The following SLC1A7 variants were observed in gnomAD, a reference collection of about 807,000 sequenced individuals.
SLC1A7 encodes the protein excitatory amino acid transporter 5.
In SLC1A7, 40 loss-of-function variants were observed where a neutral mutation model predicts 47.7. The ratio of observed to expected loss-of-function variants is 0.84; its 90% confidence interval spans 0.65 to 1.09. SLC1A7 has a LOEUF of 1.09. SLC1A7 is among the 50% of genes least tolerant of loss of function. The probability of loss-of-function intolerance (pLI) is 0.00; values close to 1 mark genes in which losing one functional copy is unlikely to be tolerated. For missense variants in SLC1A7, 746 were observed against 769.5 expected (o/e 0.97, Z 0.36); for synonymous variants, 323 against 325.6 (o/e 0.99, Z 0.09).
intron 1 of SLC1A7, among the ~76,000 whole-genome samples, chr1:53,141,610 C>A (rs1572357451): frequency 6.6e-6 from 1 of 152,080 alleles, no homozygotes; most frequent in Non-Finnish European, 1.5e-5. Context: ...CCTGGCTCCC[C>A]TTCCTGTCCC....
chr1:53,098,769 A>G lies in SLC1A7; in HGVS notation c.697+4577T>C, dbSNP rs1372523222. Among the ~76,000 whole-genome samples the G allele has an allele frequency of 2.3e-5, 3 of 132,620 alleles. No individual in the cohort carries two copies. The East Asian group carries it at 7.3e-4, about 32-fold the overall frequency. The allele number at this position is 132,620 out of a possible 152,430, so 87.0% of individuals were successfully genotyped here. A position where few individuals can be genotyped will look rare whatever the true frequency, so the allele number is the denominator to read the frequency against. ...CACATTGCCTCAGTACACTCACACA[A>G]CTTTCTTCGGTACAGTCACACAACC... On this transcript the variant is annotated intron_variant, in intron 5 of 10. Transcript: ENST00000371494.
At chr1:53,118,442 C>T (rs905355121) in intron 2 of SLC1A7, 2 of 152,168 alleles carry the variant, frequency 1.3e-5, no homozygotes, top group African/African-American at 4.8e-5. Context: ...TCCTGGAGGA[C>T]CCAGCAGCCT....
At position 53,088,852 on chromosome 1, in the gene SLC1A7, AGCCTC is replaced by A; in HGVS notation, c.1464+20_1464+24del. ...CCCTGCGTGGCTCCACCCTCCTGGCAGCCTCTGGATCTCACTGCTCTCACCTCGGT... is the reference window on the plus strand; with the variant it reads ...CCCTGCGTGGCTCCACCCTCCTGGCATGGATCTCACTGCTCTCACCTCGGT... On this transcript the variant is annotated intron_variant, in intron 10 of 10. Coordinates refer to ENST00000371494, the MANE Select transcript of SLC1A7 (RefSeq NM_006671.6). 3.1e-6 allele frequency: 5 copies of A among 1,591,396 alleles called. No individual in the cohort carries two copies. Among genetic ancestry groups the A allele is most frequent in the Non-Finnish European group, 4.3e-6 (5 of 1,161,654 alleles).
intron 5 of SLC1A7, among the ~76,000 whole-genome samples, chr1:53,098,219 A>G (rs951532405): frequency 6.6e-6 from 1 of 150,532 alleles, no homozygotes; most frequent in Non-Finnish European, 1.5e-5. Context: ...CCACCTTGGT[A>G]CACTCACATG....
In SLC1A7 at chr1:53,088,869, G is replaced by A; in HGVS notation, c.1464+8C>T. 1 of 1,611,012 alleles carries A rather than the reference G, an allele frequency of 6.2e-7. No homozygotes were observed. Among genetic ancestry groups the A allele is most frequent in the South Asian group, 1.1e-5 (1 of 91,012 alleles). On this transcript the variant is annotated splice_region_variant and intron_variant, in intron 10 of 10. Transcript: ENST00000371494. Reference sequence around the variant, plus strand: ...CTCCTGGCAGCCTCTGGATCTCACTGCTCTCACCTCGGTGCCTGTGTCCCG... The same window carrying A: ...CTCCTGGCAGCCTCTGGATCTCACTACTCTCACCTCGGTGCCTGTGTCCCG...
intron 2 of SLC1A7, among the ~76,000 whole-genome samples, chr1:53,130,346 G>A (rs1644930039): frequency 6.6e-6 from 1 of 152,172 alleles, no homozygotes; most frequent in Non-Finnish European, 1.5e-5. Flanking sequence ...TGACCAGCCT[G>A]GTTCCAGGGC....
At chr1:53,114,524 C>A (rs754523845) in intron 3 of SLC1A7, 281 of 572,170 alleles carry the variant, frequency 4.9e-4, no homozygotes, top group Non-Finnish European at 7.6e-4. Context: ...GTCTGCTCTG[C>A]GCCCATCCAC....
intron 2 of SLC1A7, among the ~76,000 whole-genome samples, chr1:53,116,502 C>T (rs970171991): frequency 6.6e-6 from 1 of 152,230 alleles, no homozygotes; most frequent in African/African-American, 2.4e-5. Flanking sequence ...TCCTCATCTG[C>T]CAGGATGCCA....
At chr1:53,103,663 A>G (rs1644609611) in intron 4 of SLC1A7, 95 bp from the exon 5 acceptor site, 4 of 658,498 alleles carry the variant, frequency 6.1e-6, no homozygotes, top group Non-Finnish European at 1.0e-5. Flanking sequence ...GCACATTTGT[A>G]TCCATTCCTA....
chr1:53,089,078 C>T, intron 9 of SLC1A7, 99 bp from the exon 10 acceptor site: 1 of 961,494 alleles, frequency 1.0e-6, no homozygotes, highest in East Asian at 2.5e-5. Context: ...CGGTGACCAG[C>T]TGTCATGCAA....
intron 3 of SLC1A7, among the ~76,000 whole-genome samples, chr1:53,107,580 G>T (rs200218701): frequency 1.3e-5 from 2 of 152,228 alleles, no homozygotes; most frequent in African/African-American, 4.8e-5. Context: ...TGCTTGAGAA[G>T]CTAAGACAGA....
chr1:53,110,778 C>T (rs940834010), intron 3 of SLC1A7, among the ~76,000 whole-genome samples: 5 of 152,124 alleles, frequency 3.3e-5, no homozygotes, highest in Admixed American at 3.3e-4. Context: ...TCTCCTCCTG[C>T]CTCTCTGCTT....
At chr1:53,134,821 C>T (rs1007476439) in intron 1 of SLC1A7, among the ~76,000 whole-genome samples, 3 of 151,934 alleles carry the variant, frequency 2.0e-5, no homozygotes, top group South Asian at 4.2e-4. Flanking sequence ...ATGTACATAC[C>T]TACGATAAAA....
chr1:53,092,969 C>T (rs1445537270), intron 6 of SLC1A7, among the ~76,000 whole-genome samples, 182 bp from the exon 7 acceptor site: 2 of 152,074 alleles, frequency 1.3e-5, no homozygotes, highest in Non-Finnish European at 2.9e-5. Flanking sequence ...TTACTTCCAC[C>T]GCCCCAGCTC....
In SLC1A7 at chr1:53,087,971, C is replaced by T; in HGVS notation, c.*38G>A. The T allele has an allele frequency of 8.7e-7, 1 of 1,155,102 alleles. No individual in the cohort carries two copies. The highest frequency in any genetic ancestry group is 1.1e-6 in the Non-Finnish European group (1 of 878,774). The allele number at this position is 1,155,102 out of a possible 1,614,324, so 71.6% of individuals were successfully genotyped here. A position where few individuals can be genotyped will look rare whatever the true frequency, so the allele number is the denominator to read the frequency against. ...GTCGAGTTCCTGCCTCAGGACCCTG[C>T]CCCTGGAGGCCTCGCCTGCCCCTGC... On this transcript the variant is annotated 3_prime_UTR_variant, in exon 11 of 11. Transcript: ENST00000371494.
chr1:53,088,295 G>T, intron 10 of SLC1A7, 68 bp from the exon 11 acceptor site: 1 of 1,284,868 alleles, frequency 7.8e-7, no homozygotes. Flanking sequence ...GAGGACTGAG[G>T]GCCAGTGGGG....
At chr1:53,115,107 C>T in intron 2 of SLC1A7, 134 bp from the exon 3 acceptor site, 1 of 681,584 alleles carries the variant, frequency 1.5e-6, no homozygotes, top group Non-Finnish European at 2.6e-6. Flanking sequence ...TCCAACAATC[C>T]AGTCCTGTGC....
At position 53,087,529 on chromosome 1, in the gene SLC1A7, G is replaced by A. The variant is rs1240126361; in HGVS notation, c.*480C>T. 1 of 152,660 alleles carries A rather than the reference G, an allele frequency of 6.6e-6. No homozygotes were observed. Among genetic ancestry groups the A allele is most frequent in the Non-Finnish European group, 1.5e-5 (1 of 68,340 alleles). The allele number at this position is 152,660 out of a possible 1,614,324, so 9.5% of individuals were successfully genotyped here. On this transcript the variant is annotated 3_prime_UTR_variant, in exon 11 of 11. Transcript: ENST00000371494. The stretch of plus-strand genomic sequence containing the variant: ...GGCTTGGCCCTGGGCTGCTCCCCTT[G>A]GGGAGAACTGTGTGGCTGAGGCCAC...
chr1:53,101,945 G>T (rs1032334631), intron 5 of SLC1A7, among the ~76,000 whole-genome samples: 2 of 151,374 alleles, frequency 1.3e-5, no homozygotes, highest in East Asian at 3.9e-4. Context: ...ACCCTCATAC[G>T]ACCTGCCTCA....
Sources: allele counts gnomAD v4.1 joint callset (sites outside exome capture counted in the v4.1 genomes callset), GRCh38; gene constraint gnomAD v4.1.1; transcripts MANE v1.5; gene names NCBI Gene and HGNC (gene_info 2026-07-23, HGNC 2026-07-21).